CALU: variants seen among roughly 807,000 people sequenced by gnomAD.
CALU encodes the protein IEF SSP 9302.
A neutral mutation model predicts 37.5 loss-of-function variants in CALU; 13 were observed. That is an observed-to-expected ratio of 0.35 (90% CI 0.23 to 0.55). The LOEUF is 0.55. Among genes scored for constraint, CALU ranks in the 20% least tolerant of loss-of-function variants. CALU has a pLI of 0.89. For synonymous variants in CALU, 114 were observed against 133.8 expected (o/e 0.85, Z 1.02); for missense variants, 282 against 391.7 (o/e 0.72, Z 2.36).
intron 5 of CALU, among the ~76,000 whole-genome samples, chr7:128,762,246 T>C (rs546361387): frequency 9.8e-5 from 15 of 152,324 alleles, no homozygotes; most frequent in African/African-American, 3.6e-4. Context: ...AACTGTTAAC[T>C]ACATCACTTA....
chr7:128,754,785 A>G (rs2128880099), intron 3 of CALU: 1 of 990,544 alleles, frequency 1.0e-6, no homozygotes, highest in South Asian at 1.7e-5. Flanking sequence ...CAAATGGGTC[A>G]CACAGTAAAG....
At chr7:128,749,569 C>T (rs1191801828) in intron 2 of CALU, among the ~76,000 whole-genome samples, 1 of 152,100 alleles carries the variant, frequency 6.6e-6, no homozygotes, top group Non-Finnish European at 1.5e-5. Flanking sequence ...GGTGCAACTT[C>T]CTGATTGTAT....
At chr7:128,746,685 C>T (rs1800453700) in intron 1 of CALU, among the ~76,000 whole-genome samples, 1 of 151,984 alleles carries the variant, frequency 6.6e-6, no homozygotes, top group East Asian at 1.9e-4. Context: ...CTCCCGGATG[C>T]AAGTGATCCG....
rs1801461680 is a variant in CALU at position 128,769,223 on chromosome 7, T to C, written c.*56T>C. 2.1e-6 allele frequency: 2 copies of C among 941,290 alleles called. No individual in the cohort carries two copies. The highest frequency in any genetic ancestry group is 3.3e-6 in the Non-Finnish European group (2 of 600,574). 58.3% of individuals were successfully genotyped at this position (941,290 alleles called of 1,614,324 possible). A position where few individuals can be genotyped will look rare whatever the true frequency, so the allele number is the denominator to read the frequency against. ...TAATTTATTTTTACAGCTTCTGGTT[T>C]CACATGAAATTGTTTGCGCTACTGA... is the stretch of plus-strand genomic sequence containing the variant. On this transcript the variant is annotated 3_prime_UTR_variant, in exon 7 of 7. Transcript: ENST00000249364.
chr7:128,751,386 G>A (rs1800668902), intron 2 of CALU, among the ~76,000 whole-genome samples: 1 of 151,916 alleles, frequency 6.6e-6, no homozygotes, highest in Admixed American at 6.6e-5. Flanking sequence ...CCCTTTGGGA[G>A]TCTAATGAAA....
intron 1 of CALU, among the ~76,000 whole-genome samples, chr7:128,746,853 C>T (rs964011840): frequency 4.7e-5 from 7 of 147,394 alleles, no homozygotes; most frequent in African/African-American, 1.5e-4. Flanking sequence ...ACTGCAAGCT[C>T]TGCCTCCTGG....
intron 2 of CALU, among the ~76,000 whole-genome samples, chr7:128,750,915 TTA>T (rs1420269006): frequency 6.6e-6 from 1 of 152,254 alleles, no homozygotes; most frequent in Non-Finnish European, 1.5e-5. Context: ...GTATTTTTTC[TTA>T]TTAAGAATGT....
chr7:128,744,844 G>T (rs1800370901), intron 1 of CALU, among the ~76,000 whole-genome samples: 1 of 152,070 alleles, frequency 6.6e-6, no homozygotes, highest in Admixed American at 6.6e-5. Flanking sequence ...TCAGGAGAGG[G>T]GAAGGAAGGA....
Position 128,754,139 on chromosome 7 carries a change from C to G in CALU, c.222-123C>G, listed in dbSNP as rs1387706328. On this transcript the variant is annotated intron_variant, in intron 2 of 6. Transcript: ENST00000249364. ...TGGACCATTTTTTTCAGTTGCTGGCCTGGCAGTTTTGTTTTGGAGACAATT... is the reference window on the plus strand; with the variant it reads ...TGGACCATTTTTTTCAGTTGCTGGCGTGGCAGTTTTGTTTTGGAGACAATT... The G allele has an allele frequency of 7.1e-6, 5 of 700,246 alleles. No individual in the cohort carries two copies. In the South Asian group the frequency reaches 1.0e-4, roughly 14 times the overall value. 43.4% of individuals were successfully genotyped at this position (700,246 alleles called of 1,614,324 possible). A position where few individuals can be genotyped will look rare whatever the true frequency, so the allele number is the denominator to read the frequency against.
chr7:128,766,355 C>T (rs1192373116), intron 5 of CALU, among the ~76,000 whole-genome samples: 1 of 150,410 alleles, frequency 6.6e-6, no homozygotes, highest in Non-Finnish European at 1.5e-5. Flanking sequence ...AACCTTTTGA[C>T]ATGCAAACGA....
In CALU at chr7:128,769,329, A is replaced by G. The variant is rs1422555932; in HGVS notation, c.*162A>G. On this transcript the variant is annotated 3_prime_UTR_variant, in exon 7 of 7. Transcript: ENST00000249364. ...CCCCATTCCTCCTCCTCTCTGAGGG[A>G]CTGGAGGGAAGCCGTGCTTCTGAGG... is the stretch of plus-strand genomic sequence containing the variant. 1.9e-6 allele frequency: 1 copy of G among 523,196 alleles called. No individual in the cohort carries two copies. The highest frequency in any genetic ancestry group is 3.4e-6 in the Non-Finnish European group (1 of 293,464). 32.4% of individuals were successfully genotyped at this position (523,196 alleles called of 1,614,324 possible). A position where few individuals can be genotyped will look rare whatever the true frequency, so the allele number is the denominator to read the frequency against.
At chr7:128,765,779 T>G (rs1801306575) in intron 5 of CALU, among the ~76,000 whole-genome samples, 1 of 152,226 alleles carries the variant, frequency 6.6e-6, no homozygotes, top group Non-Finnish European at 1.5e-5. Context: ...TACTTATCCC[T>G]AGAGTGAAAT....
intron 1 of CALU, among the ~76,000 whole-genome samples, chr7:128,740,342 C>T (rs1800186401): frequency 6.6e-6 from 1 of 152,180 alleles, no homozygotes; most frequent in Non-Finnish European, 1.5e-5. Flanking sequence ...TGGTGTGGAC[C>T]ATGAAGTCAA....
In CALU at chr7:128,772,667, G is replaced by T. The variant is rs374687514; in HGVS notation, c.*3500G>T. The stretch of plus-strand genomic sequence containing the variant: ...CATGATGCAAGCTTGGAACTGGAGA[G>T]AAAGGTACAATTGGAGATAACCTTG... On this transcript the variant is annotated 3_prime_UTR_variant, in exon 7 of 7. Transcript: ENST00000249364. The T allele has an allele frequency of 6.3e-5, 102 of 1,613,920 alleles. No homozygotes were observed. In the Middle Eastern group the frequency reaches 8.2e-4, roughly 13 times the overall value.
In CALU at chr7:128,768,863, A is replaced by AAAAAAAAAAAAAAAC. The variant is rs1554368156; in HGVS notation, c.844-195_844-194insAAAAAAAAACAAAAA. On this transcript the variant is annotated intron_variant, in intron 6 of 6. Coordinates refer to ENST00000249364, the MANE Select transcript of CALU (RefSeq NM_001219.5). ...ACTCCGTCTCAAAAAAAAAAAAAAA[A>AAAAAAAAAAAAAAAC]AAAAACAAGGAATGTGTAATTGCTG... 1.0e-3 allele frequency among the ~76,000 whole-genome samples: 155 copies of AAAAAAAAAAAAAAAC among 148,032 alleles called. 7 individuals carry two copies. The highest frequency in any genetic ancestry group is 3.9e-3 in the African/African-American group (150 of 38,318).
rs1554368156 is a variant in CALU at position 128,768,863 on chromosome 7, A to AAAAAAAAAAAAAAAAC, written c.844-195_844-194insAAAAAAAAAACAAAAA. Among the ~76,000 whole-genome samples the AAAAAAAAAAAAAAAAC allele has an allele frequency of 3.0e-4, 45 of 148,038 alleles. 2 individuals are homozygous for AAAAAAAAAAAAAAAAC. Among genetic ancestry groups the AAAAAAAAAAAAAAAAC allele is most frequent in the African/African-American group, 1.1e-3 (43 of 38,326 alleles). ...ACTCCGTCTCAAAAAAAAAAAAAAAAAAAAACAAGGAATGTGTAATTGCTG... is the reference window on the plus strand; with the variant it reads ...ACTCCGTCTCAAAAAAAAAAAAAAAAAAAAAAAAAAAAAAACAAAAACAAGGAATGTGTAATTGCTG... On this transcript the variant is annotated intron_variant, in intron 6 of 6. Coordinates refer to ENST00000249364, the MANE Select transcript of CALU (RefSeq NM_001219.5).
intron 2 of CALU, 119 bp from the exon 3 acceptor site, chr7:128,754,143 C>A: frequency 1.4e-6 from 1 of 721,046 alleles, no homozygotes. Flanking sequence ...GCTGGCCTGG[C>A]AGTTTTGTTT....
intron 4 of CALU, among the ~76,000 whole-genome samples, chr7:128,759,302 G>A (rs1160009574): frequency 2.0e-5 from 3 of 152,098 alleles, no homozygotes; most frequent in African/African-American, 7.2e-5. Context: ...TTCATTGGTA[G>A]CTTCATATTG....
intron 1 of CALU, among the ~76,000 whole-genome samples, chr7:128,743,307 G>C (rs1800309654): frequency 6.6e-6 from 1 of 152,052 alleles, no homozygotes; most frequent in South Asian, 2.1e-4. Context: ...CATGATAAAA[G>C]CTCATACAGC....
Sources: allele counts gnomAD v4.1 joint callset (sites outside exome capture counted in the v4.1 genomes callset), GRCh38; gene constraint gnomAD v4.1.1; transcripts MANE v1.5; gene names NCBI Gene and HGNC (gene_info 2026-07-23, HGNC 2026-07-21).